The following SLC36A1 variants were observed in gnomAD, a reference collection of about 807,000 sequenced individuals.
SLC36A1 encodes proton-coupled amino acid transporter 1.
SLC36A1 carries 30 observed loss-of-function variants against 47.5 expected under a neutral mutation model. The observed-to-expected ratio is 0.63, with a 90% confidence interval of 0.47 to 0.86. SLC36A1 has a LOEUF of 0.86. SLC36A1 is among the 40% of genes least tolerant of loss of function. The pLI, the probability that SLC36A1 is intolerant of heterozygous loss-of-function variation, is 0.00. For missense variants in SLC36A1, 517 were observed against 606.0 expected (o/e 0.85, Z 1.54); for synonymous variants, 255 against 249.7 (o/e 1.02, Z -0.20).
chr5:151,540,895 A>ATACGGCG, the SLC36A1 span: 2 of 781,058 alleles, frequency 2.6e-6, no homozygotes, highest in Non-Finnish European at 4.0e-6. Flanking sequence ...CTTAACTAGG[A>ATACGGCG]ACCCACGATT....
At chr5:151,411,569 G>A in the SLC36A1 span, among the ~76,000 whole-genome samples, 2 of 144,862 alleles carry the variant, frequency 1.4e-5, no homozygotes, top group African/African-American at 5.0e-5. Flanking sequence ...GAGGTATAAA[G>A]CCAATACACA....
chr5:151,405,960 A>C, the SLC36A1 span, among the ~76,000 whole-genome samples: 1 of 152,192 alleles, frequency 6.6e-6, no homozygotes, highest in Non-Finnish European at 1.5e-5. Flanking sequence ...CTTAAGAGTG[A>C]GGGCTTACAG....
chr5:151,465,561 C>T (rs1318117896), intron 5 of SLC36A1, among the ~76,000 whole-genome samples: 1 of 152,154 alleles, frequency 6.6e-6, no homozygotes, highest in Non-Finnish European at 1.5e-5. Flanking sequence ...GTGGTTCCTA[C>T]CCTCCAGAGG....
chr5:151,444,449 C>T (rs918750841), upstream of SLC36A1, among the ~76,000 whole-genome samples: 5 of 151,926 alleles, frequency 3.3e-5, no homozygotes, highest in African/African-American at 1.2e-4. Context: ...CTCTTTATTT[C>T]TTTTTTAGGT....
chr5:151,421,125 G>A, the SLC36A1 span, among the ~76,000 whole-genome samples: 5 of 149,524 alleles, frequency 3.3e-5, no homozygotes, highest in Non-Finnish European at 7.4e-5. Flanking sequence ...CACCCGCCTC[G>A]GCCTCCCAAA....
the SLC36A1 span, among the ~76,000 whole-genome samples, chr5:151,520,266 G>T: frequency 6.6e-6 from 1 of 152,260 alleles, no homozygotes; most frequent in Non-Finnish European, 1.5e-5. Flanking sequence ...CTCCTGAGCT[G>T]CTCCCTTGGC....
the SLC36A1 span, chr5:151,378,399 G>T: frequency 5.5e-6 from 1 of 180,846 alleles, no homozygotes; most frequent in South Asian, 1.2e-4. Context: ...CCAAAATATT[G>T]ACAATTCTCT....
At chr5:151,431,327 G>A in the SLC36A1 span, 1 of 152,202 alleles carries the variant, frequency 6.6e-6, no homozygotes, top group Non-Finnish European at 1.5e-5. Flanking sequence ...CCGGGTGGAG[G>A]AGTTGCTGAA....
At chr5:151,501,125 C>T in the SLC36A1 span, among the ~76,000 whole-genome samples, 7 of 152,220 alleles carry the variant, frequency 4.6e-5, no homozygotes, top group African/African-American at 1.7e-4. Flanking sequence ...AACCCTTTCT[C>T]TATGGGCCTT....
intron 7 of SLC36A1, chr5:151,470,975 GATGT>G (rs1757237580): frequency 6.6e-6 from 1 of 152,170 alleles, no homozygotes; most frequent in Non-Finnish European, 1.5e-5. Flanking sequence ...TTGCTTCTGA[GATGT>G]ATTTTTTCAT....
intron 1 of SLC36A1, among the ~76,000 whole-genome samples, chr5:151,442,416 A>G (rs1752680219): frequency 6.6e-6 from 1 of 152,190 alleles, no homozygotes; most frequent in African/African-American, 2.4e-5. Flanking sequence ...TTTATGAGGT[A>G]CACAGTGATG....
At chr5:151,482,690 G>T (rs1346686027) in intron 10 of SLC36A1, among the ~76,000 whole-genome samples, 1 of 152,070 alleles carries the variant, frequency 6.6e-6, no homozygotes, top group Admixed American at 6.5e-5. Context: ...TGTATTGGTG[G>T]ATCATATTAA....
chr5:151,428,924 C>T, the SLC36A1 span, among the ~76,000 whole-genome samples: 1 of 152,234 alleles, frequency 6.6e-6, no homozygotes, highest in Non-Finnish European at 1.5e-5. Flanking sequence ...TGAGCCACTG[C>T]ACCTGGCCGT....
chr5:151,499,833 G>A, the SLC36A1 span, among the ~76,000 whole-genome samples: 2 of 152,116 alleles, frequency 1.3e-5, no homozygotes, highest in African/African-American at 2.4e-5. Context: ...GCAAATCCCA[G>A]CTGCGTTTCC....
the SLC36A1 span, among the ~76,000 whole-genome samples, chr5:151,430,676 T>C: frequency 6.6e-6 from 1 of 152,210 alleles, no homozygotes; most frequent in Non-Finnish European, 1.5e-5. Context: ...GGTACTGTGT[T>C]GTTTGTTGCA....
chr5:151,548,747 C>T, the SLC36A1 span, among the ~76,000 whole-genome samples: 1 of 152,158 alleles, frequency 6.6e-6, no homozygotes, highest in Non-Finnish European at 1.5e-5. Flanking sequence ...TCCCAAAGTG[C>T]TAGGATTACA....
chr5:151,544,790 A>G, the SLC36A1 span: 3 of 1,614,132 alleles, frequency 1.9e-6, 1 homozygote, highest in Admixed American at 5.0e-5. Context: ...AAATATGTGT[A>G]ATCTTCTGCA....
chr5:151,411,799 T>A, the SLC36A1 span, among the ~76,000 whole-genome samples: 2 of 144,508 alleles, frequency 1.4e-5, no homozygotes, highest in Non-Finnish European at 3.0e-5. Context: ...AAATACCTGC[T>A]TGTTGAAACC....
At chr5:151,506,078 C>T in the SLC36A1 span, 1 of 1,526,432 alleles carries the variant, frequency 6.6e-7, no homozygotes, top group East Asian at 2.3e-5. Flanking sequence ...GGGGCCAGAC[C>T]ATGGCTCCGC....
Sources: gnomAD v4.1 joint callset for allele counts (sites outside exome capture counted in the v4.1 genomes callset) on GRCh38, gnomAD v4.1.1 for gene constraint, MANE v1.5 for transcripts, NCBI Gene and HGNC (gene_info 2026-07-23, HGNC 2026-07-21) for gene names.